Variants in FGD4 observed in about 807,000 individuals in gnomAD.
The protein encoded by FGD4 is FYVE, RhoGEF and PH domain-containing protein 4.
A neutral mutation model predicts 102.0 loss-of-function variants in FGD4; 42 were observed. The observed-to-expected ratio is 0.41, with a 90% CI of 0.32 to 0.53. FGD4 has a LOEUF of 0.53. Ranked by LOEUF, FGD4 falls within the 20% of genes least tolerant of loss-of-function variation. FGD4 has a pLI of 0.21. For missense variants in FGD4, 902 were observed against 1,078.2 expected, an observed-to-expected ratio of 0.84 and a Z score of 2.29; for synonymous variants, 380 against 375.7, an observed-to-expected ratio of 1.01 and a Z score of -0.13.
At chr12:32,415,209 C>T (rs1207293298) in intron 1 of FGD4, among the ~76,000 whole-genome samples, 1 of 152,076 alleles carries the variant, frequency 6.6e-6, no homozygotes, top group Non-Finnish European at 1.5e-5. Context: ...AACATGTCAT[C>T]TGTCCTTGAG....
intron 7 of FGD4, among the ~76,000 whole-genome samples, chr12:32,605,079 C>T (rs1203806990): frequency 6.6e-6 from 1 of 151,544 alleles, no homozygotes; most frequent in African/African-American, 2.4e-5. Flanking sequence ...ACTGGGATTA[C>T]AGGTACATGC....
At chr12:32,630,436 G>T (rs766727992) in intron 14 of FGD4, among the ~76,000 whole-genome samples, 7 of 152,166 alleles carry the variant, frequency 4.6e-5, no homozygotes, top group Non-Finnish European at 1.0e-4. Context: ...AGCACTTTCG[G>T]AGGGAGGTTG....
intron 1 of FGD4, among the ~76,000 whole-genome samples, chr12:32,415,630 C>T (rs1941381299): frequency 6.6e-6 from 1 of 152,016 alleles, no homozygotes; most frequent in South Asian, 2.1e-4. Context: ...ACCGTATTAG[C>T]CAGGATTGTC....
chr12:32,623,761 G>T (rs1362817503), intron 11 of FGD4, among the ~76,000 whole-genome samples: 1 of 152,188 alleles, frequency 6.6e-6, no homozygotes, highest in Non-Finnish European at 1.5e-5. Flanking sequence ...AATAAAGTTT[G>T]CCTTATAGGA....
At chr12:32,554,799 A>C (rs1943961231) in intron 1 of FGD4, among the ~76,000 whole-genome samples, 1 of 152,264 alleles carries the variant, frequency 6.6e-6, no homozygotes, top group Non-Finnish European at 1.5e-5. Context: ...TTCCAGCACC[A>C]AGTAGTTTGC....
intron 2 of FGD4, among the ~76,000 whole-genome samples, chr12:32,568,377 G>A (rs1306723221): frequency 6.6e-6 from 1 of 152,176 alleles, no homozygotes; most frequent in Non-Finnish European, 1.5e-5. Context: ...TGGAAACAAT[G>A]GCTTATTCAC....
In FGD4 at chr12:32,446,025, G is replaced by A. The variant is rs143451691; in HGVS notation, c.166+46066G>A. ...TACTAAAAATACAAAAAGTTAGCCC[G>A]GTGTGTAGTCCCAGCTACTCAGGAG... On this transcript the variant is annotated intron_variant, in intron 1 of 16. Coordinates refer to ENST00000534526, the MANE Select transcript of FGD4 (RefSeq NM_001370298.3). Among the ~76,000 whole-genome samples the A allele has an allele frequency of 1.8e-3, 267 of 152,200 alleles. 2 individuals are homozygous for A. Among genetic ancestry groups the A allele is most frequent in the African/African-American group, 6.2e-3 (258 of 41,526 alleles).
At chr12:32,613,815 C>A (rs1949293355) in intron 10 of FGD4, among the ~76,000 whole-genome samples, 2 of 152,060 alleles carry the variant, frequency 1.3e-5, no homozygotes, top group Admixed American at 6.6e-5. Context: ...AAAAGAGCCC[C>A]TATCAAAGCA....
chr12:32,476,824 A>G (rs1406752661), intron 1 of FGD4, among the ~76,000 whole-genome samples: 4 of 152,224 alleles, frequency 2.6e-5, no homozygotes, highest in Non-Finnish European at 4.4e-5. Flanking sequence ...TACCTAGCTC[A>G]GATTCAAGGA....
intron 1 of FGD4, among the ~76,000 whole-genome samples, chr12:32,465,729 T>G (rs942740107): frequency 2.0e-5 from 3 of 152,028 alleles, no homozygotes; most frequent in Admixed American, 2.0e-4. Context: ...TACTGAAGAC[T>G]TAGATGATCG....
In FGD4 at chr12:32,451,834, C is replaced by CAAAAAAAAAAAAAAAAAA. The variant is rs60760923; in HGVS notation, c.166+51888_166+51905dup. Among the ~76,000 whole-genome samples the CAAAAAAAAAAAAAAAAAA allele has an allele frequency of 3.3e-4, 8 of 24,146 alleles. 1 individual carries two copies. The highest frequency in any genetic ancestry group is 8.4e-4 in the Admixed American group (1 of 1,184). 15.8% of individuals were successfully genotyped at this position (24,146 alleles called of 152,430 possible). On this transcript the variant is annotated intron_variant, in intron 1 of 16. Coordinates refer to ENST00000534526, the MANE Select transcript of FGD4 (RefSeq NM_001370298.3). ...GGGCAACAAAAGCGAAACTCCATCTCAAAAAAAAAAAAAAAAAAAAAAAAA... is the reference window on the plus strand; with the variant it reads ...GGGCAACAAAAGCGAAACTCCATCTCAAAAAAAAAAAAAAAAAAAAAAAAAAAAAAAAAAAAAAAAAAA...
chr12:32,557,874 A>C (rs1251775553), intron 1 of FGD4, among the ~76,000 whole-genome samples: 6 of 152,198 alleles, frequency 3.9e-5, no homozygotes, highest in Admixed American at 3.9e-4. Context: ...TCTATGGGAC[A>C]AATGGGGGAG....
chr12:32,509,370 T>G (rs571391286), intron 1 of FGD4, among the ~76,000 whole-genome samples: 49 of 151,576 alleles, frequency 3.2e-4, no homozygotes, highest in Non-Finnish European at 5.9e-4. Context: ...AGAGAATTAA[T>G]GAGAAATGTC....
intron 14 of FGD4, among the ~76,000 whole-genome samples, chr12:32,632,843 T>C (rs930455885): frequency 2.0e-5 from 3 of 151,634 alleles, no homozygotes; most frequent in African/African-American, 7.3e-5. Flanking sequence ...GCTGAGATTA[T>C]AGGTGTGAGC....
intron 1 of FGD4, among the ~76,000 whole-genome samples, chr12:32,485,225 C>T (rs1943860520): frequency 1.3e-5 from 2 of 152,090 alleles, no homozygotes; most frequent in South Asian, 4.1e-4. Context: ...CAGTGCCTTC[C>T]TCTTTTAAAA....
intron 1 of FGD4, among the ~76,000 whole-genome samples, chr12:32,500,381 ATTTTATTTTAT>A (rs1555189348): frequency 6.7e-6 from 1 of 149,078 alleles, no homozygotes; most frequent in East Asian, 2.0e-4. Context: ...TTCTGACCTT[ATTTTATTTTAT>A]TTTTATTTTA....
At chr12:32,434,716 A>T (rs1035890743) in intron 1 of FGD4, among the ~76,000 whole-genome samples, 70 of 152,282 alleles carry the variant, frequency 4.6e-4, no homozygotes, top group Non-Finnish European at 6.3e-4. Context: ...ACTTTTGTAG[A>T]TATTGACATT....
chr12:32,602,455 C>T lies in FGD4; in HGVS notation c.1404+138C>T, dbSNP rs186040900. 9.7e-5 allele frequency: 91 copies of T among 941,776 alleles called. No individual in the cohort carries two copies. In the Admixed American group the frequency reaches 1.8e-3, roughly 19 times the overall value. The allele number at this position is 941,776 out of a possible 1,614,324, so 58.3% of individuals were successfully genotyped here. A position where few individuals can be genotyped will look rare whatever the true frequency, so the allele number is the denominator to read the frequency against. On this transcript the variant is annotated intron_variant, in intron 7 of 16. Transcript: ENST00000534526. The stretch of plus-strand genomic sequence containing the variant: ...TCATTCTACTCCAAATTATGCAGAT[C>T]ATCTCTGCAATGCTGAAATACGTAT...
chr12:32,472,755 T>A (rs923821369), intron 1 of FGD4, among the ~76,000 whole-genome samples: 2 of 152,232 alleles, frequency 1.3e-5, no homozygotes, highest in African/African-American at 4.8e-5. Context: ...GCTGGGCTCC[T>A]GAGTCTGGTG....
Sources: gnomAD v4.1 joint callset for allele counts (sites outside exome capture counted in the v4.1 genomes callset) on GRCh38, gnomAD v4.1.1 for gene constraint, MANE v1.5 for transcripts, NCBI Gene and HGNC (gene_info 2026-07-23, HGNC 2026-07-21) for gene names.